Variants in MED13 observed in about 807,000 individuals in gnomAD.
MED13 encodes the protein mediator complex subunit 13, also known as mediator of RNA polymerase II transcription subunit 13.
MED13 carries 23 observed loss-of-function variants against 225.2 expected under a neutral mutation model. The observed-to-expected ratio is 0.10, with a 90% confidence interval of 0.07 to 0.14. The LOEUF is 0.14. MED13 is among the 10% of genes least tolerant of loss of function. MED13 has a pLI of 1.00. For missense variants in MED13, 2,197 were observed against 2,594.5 expected (o/e 0.85, Z 3.33); for synonymous variants, 942 against 889.2 (o/e 1.06, Z -1.06).
At chr17:62,021,923 T>C (rs1176447895) in intron 8 of MED13, among the ~76,000 whole-genome samples, 1 of 152,066 alleles carries the variant, frequency 6.6e-6, no homozygotes, top group African/African-American at 2.4e-5. Context: ...TTCCTGCACT[T>C]TGGGAGGCCA....
At chr17:62,057,444 G>C (rs927615431) in intron 2 of MED13, among the ~76,000 whole-genome samples, 2 of 152,160 alleles carry the variant, frequency 1.3e-5, no homozygotes, top group East Asian at 3.8e-4. Context: ...AGCAAATGAA[G>C]TTGTCACCTA....
rs544882258 is a variant in MED13, at chr17:62,055,943, A to G, written c.302-3238T>C. Among the ~76,000 whole-genome samples the G allele has an allele frequency of 3.9e-5, 6 of 152,330 alleles. No homozygotes were observed. In the South Asian group the frequency reaches 1.0e-3, roughly 26 times the overall value. Reference sequence around the variant, plus strand: ...GCATCTTATGTCCCCAGTGCCCACAATTCTCATTAACACTAAATAGGAGCT... The same window carrying G: ...GCATCTTATGTCCCCAGTGCCCACAGTTCTCATTAACACTAAATAGGAGCT... On this transcript the variant is annotated intron_variant, in intron 2 of 29. Transcript: ENST00000397786.
At chr17:61,976,888 C>T (rs533105447) in intron 16 of MED13, among the ~76,000 whole-genome samples, 31 of 152,156 alleles carry the variant, frequency 2.0e-4, no homozygotes, top group African/African-American at 6.7e-4. Flanking sequence ...GCCGAGATCG[C>T]GCCACTGCAC....
chr17:61,960,272 CT>C (rs1021350754), intron 23 of MED13, among the ~76,000 whole-genome samples: 169 of 145,390 alleles, frequency 1.2e-3, no homozygotes, highest in Middle Eastern at 3.5e-3. Flanking sequence ...GACAACCAAA[CT>C]TTTTTTTTTT....
At chr17:62,031,327 C>A in intron 6 of MED13, 117 bp downstream of exon 6, 1 of 907,582 alleles carries the variant, frequency 1.1e-6, no homozygotes, top group Non-Finnish European at 1.6e-6. Context: ...ATTACTTGTA[C>A]TACACTTGTA....
chr17:61,962,621 T>TAA, intron 21 of MED13, 131 bp downstream of exon 21: 1 of 649,550 alleles, frequency 1.5e-6, no homozygotes. Flanking sequence ...ATTATGATAT[T>TAA]AAAGTAAAAT....
chr17:61,948,838 G>C (rs2079872471), intron 28 of MED13, among the ~76,000 whole-genome samples: 1 of 151,494 alleles, frequency 6.6e-6, no homozygotes, highest in East Asian at 2.0e-4. Flanking sequence ...TGTAATCCCA[G>C]CACTTTGGGA....
At chr17:62,003,634 C>G (rs1351614010) in intron 9 of MED13, 1 of 113,892 alleles carries the variant, frequency 8.8e-6, no homozygotes, top group East Asian at 4.5e-4. Flanking sequence ...AAAAAGTGAA[C>G]TGTGACATGA....
chr17:62,065,174 C>A lies in MED13; in HGVS notation c.32G>T (p.Ser11Ile). Residue 11 changes from serine to isoleucine, a missense_variant, in exon 1 of 30, where the codon AGC (serine) becomes ATC (isoleucine). Transcript: ENST00000397786. MSASFVPNGASLEDCHCNLFC... is the reference protein window; with the variant it reads MSASFVPNGAILEDCHCNLFC... ...GAGGTTACAGTGACAATCTTCCAGGCTGGCCCCGTTCGGCACGAAGGAGGC... is the reference window on the plus strand; with the variant it reads ...GAGGTTACAGTGACAATCTTCCAGGATGGCCCCGTTCGGCACGAAGGAGGC... 1 of 1,581,690 alleles carries A rather than the reference C, an allele frequency of 6.3e-7. No individual in the cohort carries two copies. The highest frequency in any genetic ancestry group is 8.6e-7 in the Non-Finnish European group (1 of 1,165,636).
intron 2 of MED13, among the ~76,000 whole-genome samples, chr17:62,060,046 C>T (rs1568008554): frequency 1.3e-5 from 2 of 152,222 alleles, no homozygotes; most frequent in South Asian, 4.1e-4. Context: ...AATCCTAGCA[C>T]TTTGGGAGGC....
intron 10 of MED13, among the ~76,000 whole-genome samples, chr17:61,994,585 A>T (rs568659018): frequency 6.6e-6 from 1 of 152,254 alleles, no homozygotes; most frequent in Admixed American, 6.5e-5. Context: ...CCTGATTTCA[A>T]TTATGACAAG....
chr17:62,028,553 TA>T (rs201500403), intron 8 of MED13, among the ~76,000 whole-genome samples: 1 of 149,594 alleles, frequency 6.7e-6, no homozygotes, highest in African/African-American at 2.5e-5. Flanking sequence ...AATAAAAGCT[TA>T]AAAAAAAAGA....
At chr17:62,053,396 AC>A (rs1429779855) in intron 2 of MED13, among the ~76,000 whole-genome samples, 7 of 152,170 alleles carry the variant, frequency 4.6e-5, no homozygotes, top group African/African-American at 1.7e-4. Flanking sequence ...ATCTTCACTA[AC>A]TATATAGCTT....
At position 61,943,357 on chromosome 17, in the gene MED13, T is replaced by C. The variant is rs2079828932; in HGVS notation, c.*3111A>G. On this transcript the variant is annotated 3_prime_UTR_variant, in exon 30 of 30. Transcript: ENST00000397786. ...TATTCAATTTGAACATTTTAAATAATGCAACATAGTATTCTGATATTACAG... is the reference window on the plus strand; with the variant it reads ...TATTCAATTTGAACATTTTAAATAACGCAACATAGTATTCTGATATTACAG... 1 of 152,598 alleles carries C rather than the reference T, an allele frequency of 6.6e-6. No individual in the cohort carries two copies. Among genetic ancestry groups the C allele is most frequent in the South Asian group, 2.1e-4 (1 of 4,836 alleles). 9.5% of individuals were successfully genotyped at this position (152,598 alleles called of 1,614,324 possible).
rs554222171 is a variant in MED13 at position 62,020,314 on chromosome 17, CTTTAA to C, written c.1284-9086_1284-9082del. 2.8e-3 allele frequency among the ~76,000 whole-genome samples: 433 copies of C among 152,014 alleles called. 3 individuals carry two copies. Among genetic ancestry groups the C allele is most frequent in the Non-Finnish European group, 4.1e-3 (282 of 67,992 alleles). On this transcript the variant is annotated intron_variant, in intron 8 of 29. Coordinates refer to ENST00000397786, the MANE Select transcript of MED13 (RefSeq NM_005121.3). ...TAGTGCACATTTAAGTGTGCAGCTC[CTTTAA>C]TTTTTTACATATGAATACATCATTG...
Position 62,041,235 on chromosome 17 carries a change from A to G in MED13, c.471-5627T>C, listed in dbSNP as rs192254076. Among the ~76,000 whole-genome samples, 135 of 152,284 alleles carry G rather than the reference A, an allele frequency of 8.9e-4. 1 individual carries two copies. The highest frequency in any genetic ancestry group is 3.1e-3 in the African/African-American group (129 of 41,522). On this transcript the variant is annotated intron_variant, in intron 3 of 29. Coordinates refer to ENST00000397786, the MANE Select transcript of MED13 (RefSeq NM_005121.3). ...GGGGAATTCTATCACATGCTTCATA[A>G]ATGAATCTTGAAGATTTTATGCTTA... is the stretch of plus-strand genomic sequence containing the variant.
At chr17:62,031,389 T>C in intron 6 of MED13, 55 bp downstream of exon 6, 3 of 1,344,836 alleles carry the variant, frequency 2.2e-6, no homozygotes, top group Non-Finnish European at 3.0e-6. Flanking sequence ...CTTAAGTACT[T>C]ACTGTACACA....
At chr17:62,058,520 C>CAAAAAAAAAAAAA (rs751957495) in intron 2 of MED13, among the ~76,000 whole-genome samples, 3 of 53,360 alleles carry the variant, frequency 5.6e-5, no homozygotes, top group Non-Finnish European at 7.8e-5. Context: ...GACTTCATCT[C>CAAAAAAAAAAAAA]AAAAAAAAAA....
chr17:61,956,945 T>C (rs2079950654), intron 23 of MED13, among the ~76,000 whole-genome samples: 1 of 152,204 alleles, frequency 6.6e-6, no homozygotes, highest in Admixed American at 6.5e-5. Flanking sequence ...AATCATAGGT[T>C]TGGCATCTGA....
Sources: allele counts gnomAD v4.1 joint callset (sites outside exome capture counted in the v4.1 genomes callset), GRCh38; gene constraint gnomAD v4.1.1; transcripts MANE v1.5; gene names NCBI Gene and HGNC (gene_info 2026-07-23, HGNC 2026-07-21).